AHCY: variants seen among roughly 807,000 people sequenced by gnomAD.
AHCY encodes adenosylhomocysteinase.
Under a neutral mutation model 45.4 loss-of-function variants are expected in AHCY, and 24 were observed. The ratio of observed to expected loss-of-function variants is 0.53; its 90% CI spans 0.38 to 0.74. The LOEUF is 0.74. Among genes scored for constraint, AHCY ranks in the 30% least tolerant of loss-of-function variants. The pLI is 0.00. For synonymous variants in AHCY, 245 were observed against 235.1 expected (o/e 1.04, Z -0.39); for missense variants, 449 against 594.1 (o/e 0.76, Z 2.54).
chr20:34,264,357 G>A, the AHCY span, among the ~76,000 whole-genome samples: 1 of 152,184 alleles, frequency 6.6e-6, no homozygotes, highest in Non-Finnish European at 1.5e-5. Flanking sequence ...ACAACGCTCT[G>A]TGAGCTAATC....
intron 9 of AHCY, 54 bp from the exon 10 acceptor site, chr20:34,281,219 C>G (rs886581872): frequency 6.2e-7 from 1 of 1,608,484 alleles, no homozygotes; most frequent in Non-Finnish European, 8.5e-7. Context: ...GGGACCCCTA[C>G]ACGCGTCTGG....
At chr20:34,275,514 G>T (rs1210147147), downstream of AHCY, among the ~76,000 whole-genome samples, 1 of 152,102 alleles carries the variant, frequency 6.6e-6, no homozygotes, top group Non-Finnish European at 1.5e-5. Flanking sequence ...AGAATTGTCA[G>T]ACAGCAACCT....
At chr20:34,253,273 T>G in the AHCY span, among the ~76,000 whole-genome samples, 1 of 151,098 alleles carries the variant, frequency 6.6e-6, no homozygotes, top group African/African-American at 2.4e-5. Flanking sequence ...GCCCGCCTAA[T>G]TTTTTTGTAT....
intron 9 of AHCY, among the ~76,000 whole-genome samples, chr20:34,282,047 A>G (rs2036021769): frequency 6.6e-6 from 1 of 152,196 alleles, no homozygotes; most frequent in Admixed American, 6.5e-5. Flanking sequence ...ATTAAAATGT[A>G]TCTATAAATT....
At chr20:34,260,272 C>T in the AHCY span, 1 of 1,355,252 alleles carries the variant, frequency 7.4e-7, no homozygotes, top group Non-Finnish European at 1.0e-6. Flanking sequence ...AACAGGGTCA[C>T]AACACCAGCC....
the AHCY span, chr20:34,260,640 C>A: frequency 7.9e-7 from 1 of 1,269,794 alleles, no homozygotes; most frequent in Non-Finnish European, 1.1e-6. Context: ...ACGGCTCCTT[C>A]TTGCTCGTTC....
upstream of AHCY, among the ~76,000 whole-genome samples, chr20:34,306,926 G>T (rs2036901920): frequency 6.6e-6 from 1 of 152,170 alleles, no homozygotes; most frequent in Non-Finnish European, 1.5e-5. Flanking sequence ...GGGAGCAAGA[G>T]AGAGGTAAAT....
the AHCY span, among the ~76,000 whole-genome samples, chr20:34,270,624 A>G: frequency 3.3e-5 from 5 of 152,214 alleles, no homozygotes; most frequent in Admixed American, 1.3e-4. Flanking sequence ...AACCACATGG[A>G]AGACCAACCC....
At chr20:34,240,753 T>A in the AHCY span, among the ~76,000 whole-genome samples, 1 of 152,164 alleles carries the variant, frequency 6.6e-6, no homozygotes, top group Non-Finnish European at 1.5e-5. Context: ...TCTCTTGGGA[T>A]CCATTCTGAA....
intron 8 of AHCY, among the ~76,000 whole-genome samples, chr20:34,288,269 G>A (rs1044999595): frequency 1.3e-5 from 2 of 152,212 alleles, no homozygotes; most frequent in Admixed American, 6.5e-5. Context: ...TGGTGTGGCT[G>A]TGACTGGGTG....
chr20:34,240,557 A>G, the AHCY span, among the ~76,000 whole-genome samples: 2 of 152,142 alleles, frequency 1.3e-5, no homozygotes, highest in Non-Finnish European at 2.9e-5. Flanking sequence ...ATATTCCTGC[A>G]AAAAAAGGTC....
chr20:34,267,617 C>T, the AHCY span, among the ~76,000 whole-genome samples: 1 of 151,964 alleles, frequency 6.6e-6, no homozygotes, highest in Non-Finnish European at 1.5e-5. Flanking sequence ...CAGCAACCTC[C>T]ACCTCCCCGG....
chr20:34,303,572 G>T (rs963455874), upstream of AHCY, among the ~76,000 whole-genome samples: 3 of 152,248 alleles, frequency 2.0e-5, no homozygotes, highest in South Asian at 2.1e-4. Flanking sequence ...CCGTCCTCTC[G>T]CTGGTTCAGC....
chr20:34,257,555 T>C, the AHCY span, among the ~76,000 whole-genome samples: 1 of 152,190 alleles, frequency 6.6e-6, no homozygotes, highest in East Asian at 1.9e-4. Context: ...TATTTAATTT[T>C]ATGTAACTAA....
At chr20:34,278,407 G>A (rs542522601), downstream of AHCY, among the ~76,000 whole-genome samples, 8 of 152,274 alleles carry the variant, frequency 5.3e-5, no homozygotes, top group Non-Finnish European at 1.0e-4. Flanking sequence ...GGGAGCATGC[G>A]CACACACAGG....
At chr20:34,263,771 C>T in the AHCY span, among the ~76,000 whole-genome samples, 13 of 150,932 alleles carry the variant, frequency 8.6e-5, no homozygotes, top group Admixed American at 5.3e-4. Flanking sequence ...CGAGTTCAAG[C>T]GATTCTCATG....
At chr20:34,260,008 T>G in the AHCY span, among the ~76,000 whole-genome samples, 1 of 151,924 alleles carries the variant, frequency 6.6e-6, no homozygotes, top group Non-Finnish European at 1.5e-5. Flanking sequence ...TGGGGGCCTT[T>G]CAACAACTCT....
the AHCY span, among the ~76,000 whole-genome samples, chr20:34,267,875 T>C: frequency 6.6e-6 from 1 of 152,288 alleles, no homozygotes; most frequent in Non-Finnish European, 1.5e-5. Flanking sequence ...AATTGTAATA[T>C]TTTATTTAAC....
At chr20:34,236,676 C>A in the AHCY span, among the ~76,000 whole-genome samples, 2 of 152,044 alleles carry the variant, frequency 1.3e-5, no homozygotes, top group East Asian at 1.9e-4. Context: ...GATGGCGAGA[C>A]CCCCATCTTA....
Sources: allele counts gnomAD v4.1 joint callset (sites outside exome capture counted in the v4.1 genomes callset), GRCh38; gene constraint gnomAD v4.1.1; transcripts MANE v1.5; gene names NCBI Gene and HGNC (gene_info 2026-07-23, HGNC 2026-07-21).